The following BAZ1A variants were observed in gnomAD, a reference collection of about 807,000 sequenced individuals.
The protein encoded by BAZ1A is bromodomain adjacent to zinc finger domain protein 1A.
BAZ1A carries 50 observed loss-of-function variants against 185.2 expected under a neutral mutation model. The observed-to-expected ratio is 0.27, with a 90% CI of 0.22 to 0.34. BAZ1A has a LOEUF of 0.34. BAZ1A is among the 10% of genes least tolerant of loss of function. The probability of loss-of-function intolerance (pLI) is 1.00; values close to 1 mark genes in which losing one functional copy is unlikely to be tolerated. For synonymous variants in BAZ1A, 571 were observed against 615.6 expected (o/e 0.93, Z 1.07); for missense variants, 1,356 against 1,839.9 (o/e 0.74, Z 4.81).
chr14:34,805,614 A>G (rs1881812102), intron 6 of BAZ1A, among the ~76,000 whole-genome samples: 1 of 150,202 alleles, frequency 6.7e-6, no homozygotes, highest in Non-Finnish European at 1.5e-5. Flanking sequence ...ATCATTTAAT[A>G]TGGCTGCCTG....
At chr14:34,841,401 CT>C (rs1052000208) in intron 3 of BAZ1A, among the ~76,000 whole-genome samples, 2 of 151,528 alleles carry the variant, frequency 1.3e-5, no homozygotes. Context: ...CCTGTGTTTT[CT>C]TTTTTTTGGA....
intron 4 of BAZ1A, among the ~76,000 whole-genome samples, chr14:34,824,376 T>TA (rs59459941): frequency 0.88 from 24,511 of 27,730 alleles, 10,902 homozygotes; most frequent in East Asian, 0.9. Context: ...TCCATCTCTT[T>TA]AAAAAAAAAA....
chr14:34,811,060 CA>C, intron 4 of BAZ1A, 24 bp from the exon 5 acceptor site: 1 of 1,421,148 alleles, frequency 7.0e-7, no homozygotes, highest in Non-Finnish European at 9.8e-7. Context: ...GGAAAAGACA[CA>C]AATCAGTTAA....
chr14:34,759,549 G>A (rs1235589684), intron 24 of BAZ1A, among the ~76,000 whole-genome samples: 2 of 152,086 alleles, frequency 1.3e-5, no homozygotes, highest in Non-Finnish European at 2.9e-5. Flanking sequence ...ATTTCCTAAA[G>A]CATATCCTTC....
intron 2 of BAZ1A, among the ~76,000 whole-genome samples, chr14:34,862,587 A>G (rs137941362): frequency 2.6e-5 from 4 of 152,274 alleles, no homozygotes; most frequent in African/African-American, 9.6e-5. Context: ...TCTGCTTTTC[A>G]GTGAAAAACT....
Position 34,845,875 on chromosome 14 carries a change from AAAAAG to A in BAZ1A, c.392+16164_392+16168del, listed in dbSNP as rs71121229. Reference sequence around the variant, plus strand: ...ACTCTGTCTCAAAAAAAAAAAAAAAAAAAAGAAAAGAAAACTTTGATCTTATATGG... The same window carrying A: ...ACTCTGTCTCAAAAAAAAAAAAAAAAAAAAGAAAACTTTGATCTTATATGG... On this transcript the variant is annotated intron_variant, in intron 3 of 26. Transcript: ENST00000360310. Among the ~76,000 whole-genome samples the A allele has an allele frequency of 9.5e-3, 1,071 of 112,336 alleles. 9 individuals are homozygous for A. The highest frequency in any genetic ancestry group is 0.013 in the Non-Finnish European group (657 of 51,482). 73.7% of individuals were successfully genotyped at this position (112,336 alleles called of 152,430 possible). A position where few individuals can be genotyped will look rare whatever the true frequency, so the allele number is the denominator to read the frequency against.
At chr14:34,810,037 C>T (rs2138675017) in intron 5 of BAZ1A, among the ~76,000 whole-genome samples, 1 of 152,298 alleles carries the variant, frequency 6.6e-6, no homozygotes, top group South Asian at 2.1e-4. Context: ...AAACCACACA[C>T]ACCTCAATAC....
chr14:34,798,910 T>C (rs1170569629), intron 9 of BAZ1A, among the ~76,000 whole-genome samples: 2 of 152,134 alleles, frequency 1.3e-5, no homozygotes, highest in Non-Finnish European at 2.9e-5. Context: ...TTATAAATCA[T>C]TCTACTATAA....
At chr14:34,863,541 T>C (rs2042806340) in intron 2 of BAZ1A, among the ~76,000 whole-genome samples, 1 of 151,008 alleles carries the variant, frequency 6.6e-6, no homozygotes, top group Admixed American at 6.6e-5. Context: ...CTCTTGACCT[T>C]GTGATCCACC....
intron 26 of BAZ1A, among the ~76,000 whole-genome samples, chr14:34,754,417 CAAA>C (rs111245900): frequency 9.5e-6 from 1 of 104,886 alleles, no homozygotes; most frequent in African/African-American, 3.6e-5. Flanking sequence ...AGACGTATCT[CAAA>C]AAAAAAAAAA....
At chr14:34,872,955 C>G (rs1252238216) in intron 2 of BAZ1A, among the ~76,000 whole-genome samples, 1 of 120,900 alleles carries the variant, frequency 8.3e-6, no homozygotes, top group East Asian at 2.5e-4. Context: ...GTCCAATTAC[C>G]TAATCCAAGT....
chr14:34,786,115 C>A lies in BAZ1A; in HGVS notation c.1606+11G>T, dbSNP rs773247850. 2 of 1,580,784 alleles carry A rather than the reference C, an allele frequency of 1.3e-6. No individual in the cohort carries two copies. The highest frequency in any genetic ancestry group is 2.4e-5 in the South Asian group (2 of 84,550). On this transcript the variant is annotated intron_variant, in intron 13 of 26. Transcript: ENST00000360310. ...AAAGCCAAACAAAAAAAAAACAAAA[C>A]CCACACATACCCTGGTGTAACTGTG...
chr14:34,811,744 A>G (rs565515776), intron 4 of BAZ1A, among the ~76,000 whole-genome samples: 17 of 152,350 alleles, frequency 1.1e-4, no homozygotes, highest in South Asian at 1.0e-3. Context: ...CTACTCATTC[A>G]CTACATTTTC....
In BAZ1A at chr14:34,795,251, CTT is replaced by C. The variant is rs533225119; in HGVS notation, c.1225-366_1225-365del. On this transcript the variant is annotated intron_variant, in intron 10 of 26. Coordinates refer to ENST00000360310, the MANE Select transcript of BAZ1A (RefSeq NM_013448.3). ...AATACTACCTTCAATGTAGTAGCTC[CTT>C]ATGATTTGGAACATAATTAATCTAC... 3.8e-3 allele frequency among the ~76,000 whole-genome samples: 580 copies of C among 152,256 alleles called. 4 individuals are homozygous for C. Among genetic ancestry groups the C allele is most frequent in the African/African-American group, 0.014 (566 of 41,544 alleles).
intron 5 of BAZ1A, 77 bp downstream of exon 5, chr14:34,810,858 T>C: frequency 9.8e-7 from 1 of 1,017,430 alleles, no homozygotes; most frequent in Non-Finnish European, 1.5e-6. Context: ...TCCCATTTGT[T>C]CTACATCAGA....
intron 3 of BAZ1A, among the ~76,000 whole-genome samples, chr14:34,838,681 C>T (rs1338163164): frequency 2.0e-5 from 3 of 152,036 alleles, no homozygotes; most frequent in East Asian, 1.9e-4. Context: ...TCCACCTCCA[C>T]GCCCGGCTAA....
intron 2 of BAZ1A, among the ~76,000 whole-genome samples, chr14:34,872,748 ACAGT>A (rs1339947230): frequency 1.3e-5 from 2 of 152,138 alleles, no homozygotes; most frequent in African/African-American, 4.8e-5. Flanking sequence ...ACAAAGGATA[ACAGT>A]CATATTCATC....
In BAZ1A at chr14:34,753,471, T is replaced by C. The variant is rs1357962630; in HGVS notation, c.*37A>G. The C allele has an allele frequency of 5.6e-6, 9 of 1,602,858 alleles. No individual in the cohort carries two copies. In the African/African-American group the frequency reaches 8.0e-5, roughly 14 times the overall value. On this transcript the variant is annotated 3_prime_UTR_variant, in exon 27 of 27. Transcript: ENST00000360310. ...TTAATGTTCCATTTTCATGAACAAT[T>C]TGTTTTTCTTCAAATATATCCTTTA...
chr14:34,793,829 G>C (rs925277087), intron 11 of BAZ1A, among the ~76,000 whole-genome samples: 1 of 152,210 alleles, frequency 6.6e-6, no homozygotes, highest in Non-Finnish European at 1.5e-5. Context: ...TGTAATTGCA[G>C]CTACTTGGGA....
Sources: gnomAD v4.1 joint callset for allele counts (sites outside exome capture counted in the v4.1 genomes callset) on GRCh38, gnomAD v4.1.1 for gene constraint, MANE v1.5 for transcripts, NCBI Gene and HGNC (gene_info 2026-07-23, HGNC 2026-07-21) for gene names.